Variants in SMG1 observed in about 807,000 individuals in gnomAD.
The protein encoded by SMG1 is SMG1 nonsense mediated mRNA decay associated PI3K related kinase.
Under a neutral mutation model 419.9 loss-of-function variants are expected in SMG1, and 22 were observed. That is an observed-to-expected ratio of 0.05 (90% CI 0.04 to 0.07). The LOEUF (loss-of-function observed/expected upper bound fraction) is 0.07. Ranked by LOEUF, SMG1 falls within the 10% of genes least tolerant of loss-of-function variation. The pLI, the probability that SMG1 is intolerant of heterozygous loss-of-function variation, is 1.00. For synonymous variants in SMG1, 1,538 were observed against 1,553.5 expected, an observed-to-expected ratio of 0.99 and a Z score of 0.23; for missense variants, 3,185 against 4,342.0, an observed-to-expected ratio of 0.73 and a Z score of 7.49.
intron 60 of SMG1, 91 bp from the exon 61 acceptor site, chr16:18,812,218 G>A (rs944552418): frequency 9.2e-6 from 11 of 1,194,698 alleles, no homozygotes; most frequent in African/African-American, 1.5e-5. Flanking sequence ...GGTAGTGGTT[G>A]ATACCCCAAT....
At chr16:18,877,326 T>G in intron 11 of SMG1, 94 bp from the exon 12 acceptor site, 1 of 875,938 alleles carries the variant, frequency 1.1e-6, no homozygotes, top group Non-Finnish European at 1.7e-6. Flanking sequence ...AAGAAGCCAA[T>G]TGAAAAGGCT....
At chr16:18,810,979 T>C (rs1428137894) in intron 62 of SMG1, among the ~76,000 whole-genome samples, 1 of 152,208 alleles carries the variant, frequency 6.6e-6, no homozygotes, top group African/African-American at 2.4e-5. Flanking sequence ...AACTTTTCTG[T>C]AGCTTTATTC....
At chr16:18,821,217 G>GTTTT (rs2032501770) in intron 55 of SMG1, among the ~76,000 whole-genome samples, 3 of 31,732 alleles carry the variant, frequency 9.5e-5, no homozygotes, top group African/African-American at 3.2e-4. Flanking sequence ...TATTTAGTAT[G>GTTTT]TTTCTTTTTT....
intron 41 of SMG1, among the ~76,000 whole-genome samples, chr16:18,841,064 A>T (rs941936667): frequency 6.6e-6 from 1 of 152,090 alleles, no homozygotes; most frequent in Non-Finnish European, 1.5e-5. Flanking sequence ...TGTCCCTTTA[A>T]AAAACAAAAC....
chr16:18,855,688 A>C (rs578199628), intron 29 of SMG1, among the ~76,000 whole-genome samples: 3 of 152,014 alleles, frequency 2.0e-5, no homozygotes, highest in Non-Finnish European at 4.4e-5. Context: ...CTCATGGCCC[A>C]TTTGCTTTTT....
chr16:18,817,159 C>G, intron 57 of SMG1, 132 bp downstream of exon 57: 49 of 484,216 alleles, frequency 1.0e-4, no homozygotes, highest in East Asian at 3.3e-4. Flanking sequence ...TCATCACTGT[C>G]CCCCCGCCCC....
intron 1 of SMG1, among the ~76,000 whole-genome samples, chr16:18,906,484 G>A (rs12930236): frequency 0.31 from 46,807 of 151,770 alleles, 7,967 homozygotes; most frequent in Non-Finnish European, 0.39. Context: ...GCGAAACTCC[G>A]TCTCGGGGTG....
intron 41 of SMG1, among the ~76,000 whole-genome samples, 188 bp from the exon 42 acceptor site, chr16:18,840,134 T>C (rs185013422): frequency 1.1e-4 from 16 of 151,914 alleles, no homozygotes; most frequent in African/African-American, 3.2e-4. Context: ...TCTTATGATA[T>C]ATACCTTTTA....
At chr16:18,835,572 G>A (rs2033507648) in intron 48 of SMG1, among the ~76,000 whole-genome samples, 1 of 152,142 alleles carries the variant, frequency 6.6e-6, no homozygotes, top group African/African-American at 2.4e-5. Context: ...GCCCAGGGAG[G>A]TCAAGGCTGC....
intron 39 of SMG1, among the ~76,000 whole-genome samples, chr16:18,844,939 T>C (rs1005791698): frequency 6.6e-6 from 1 of 152,220 alleles, no homozygotes; most frequent in Non-Finnish European, 1.5e-5. Context: ...TTCTCAAATA[T>C]GTGAATACAC....
chr16:18,879,515 C>G lies in SMG1; in HGVS notation c.1498G>C (p.Val500Leu). 2.1e-6 allele frequency: 2 copies of G among 948,716 alleles called. No homozygotes were observed. The highest frequency in any genetic ancestry group is 3.3e-6 in the Non-Finnish European group (2 of 611,838). The allele number at this position is 948,716 out of a possible 1,614,324, so 58.8% of individuals were successfully genotyped here. The change falls in exon 11 of 63, where the codon GTC becomes CTC. Residue 500 changes from valine (V) to leucine (L), a missense_variant. Coordinates refer to ENST00000446231, the MANE Select transcript of SMG1 (RefSeq NM_015092.5). ...QTCGTDYIIS[V>L]LNLLTLIVEQ... ...CATACCAGCGTGAGTAAATTCAAGA[C>G]TGAGATGATATAATCGGTACCACAA...
At chr16:18,840,784 A>G (rs2033871727) in intron 41 of SMG1, among the ~76,000 whole-genome samples, 1 of 152,248 alleles carries the variant, frequency 6.6e-6, no homozygotes, top group Non-Finnish European at 1.5e-5. Flanking sequence ...GGTAAATCCA[A>G]TAAAAACACT....
intron 51 of SMG1, among the ~76,000 whole-genome samples, 199 bp from the exon 52 acceptor site, chr16:18,830,568 A>C (rs1026020636): frequency 3.9e-5 from 6 of 152,094 alleles, no homozygotes; most frequent in Non-Finnish European, 7.4e-5. Context: ...TGGGCAGATC[A>C]CCTGAGGTCA....
rs190646438 is a variant in SMG1, at chr16:18,807,000, A to C, written c.*2569T>G. The C allele has an allele frequency of 7.2e-5, 11 of 152,342 alleles. No individual in the cohort carries two copies. In the East Asian group the frequency reaches 2.1e-3, roughly 29 times the overall value. The allele number at this position is 152,342 out of a possible 1,614,324, so 9.4% of individuals were successfully genotyped here. A position where few individuals can be genotyped will look rare whatever the true frequency, so the allele number is the denominator to read the frequency against. ...GCAGGCTTTTGAAGTCATCTATTAC[A>C]TCTGCCTTACAACCAAACCCACTGT... On this transcript the variant is annotated 3_prime_UTR_variant, in exon 63 of 63. Coordinates refer to ENST00000446231, the MANE Select transcript of SMG1 (RefSeq NM_015092.5).
intron 1 of SMG1, among the ~76,000 whole-genome samples, chr16:18,914,469 G>C (rs1226455934): frequency 1.3e-5 from 2 of 151,984 alleles, no homozygotes; most frequent in African/African-American, 2.4e-5. Flanking sequence ...CCTCACCTAA[G>C]GTCAGGAGTT....
rs1412788971 is a variant in SMG1 at position 18,868,647 on chromosome 16, T to C, written c.2906A>G (p.Asn969Ser). 34 of 1,573,526 alleles carry C rather than the reference T, an allele frequency of 2.2e-5. No homozygotes were observed. In the African/African-American group the frequency reaches 2.7e-4, roughly 12 times the overall value. Reference protein sequence around the residue: ...QDVSQWTTADNDEGHGNNQLR... With the variant: ...QDVSQWTTADSDEGHGNNQLR... ...TTGGTTGTTACCATGGCCTTCATCA[T>C]TGTCTGCAGTTGTCCACTGACTAAC... The change falls in exon 21 of 63, where the codon AAT becomes AGT. Residue 969 changes from asparagine (N) to serine (S), a missense_variant. Asn to Ser is a conservative substitution (Grantham distance 46). This residue lies in a region of SMG1 where 70 missense variants were observed against 185.7 expected (regional missense o/e 0.38). Coordinates refer to ENST00000446231, the MANE Select transcript of SMG1 (RefSeq NM_015092.5).
intron 46 of SMG1, among the ~76,000 whole-genome samples, chr16:18,836,862 C>T (rs1258725726): frequency 6.6e-6 from 1 of 152,142 alleles, no homozygotes; most frequent in Non-Finnish European, 1.5e-5. Context: ...TGAGCACCTG[C>T]TGTGTATAAG....
At chr16:18,871,811 C>A (rs2035838112) in intron 15 of SMG1, among the ~76,000 whole-genome samples, 1 of 151,780 alleles carries the variant, frequency 6.6e-6, no homozygotes, top group South Asian at 2.1e-4. Flanking sequence ...TGGTGGCGGG[C>A]ACCTGTAATC....
In SMG1 at chr16:18,849,985, G is replaced by A. The variant is rs1182456534; in HGVS notation, c.5425C>T (p.His1809Tyr). The A allele has an allele frequency of 6.2e-7, 1 of 1,613,986 alleles. No individual in the cohort carries two copies. Among genetic ancestry groups the A allele is most frequent in the African/African-American group, 1.3e-5 (1 of 75,052 alleles). ...HAGELRQYLEHGLETTPTAPW... is the reference protein window; with the variant it reads ...HAGELRQYLEYGLETTPTAPW... ...GCAGTGGGTGTTGTCTCCAAGCCGT[G>A]CTCCAGATACTGCCGAAGCTCACCA... The change falls in exon 35 of 63, where the codon CAC (histidine) becomes TAC (tyrosine). Residue 1809 changes from histidine to tyrosine, a missense_variant. Coordinates refer to ENST00000446231, the MANE Select transcript of SMG1 (RefSeq NM_015092.5).
Sources: gnomAD v4.1 joint callset for allele counts (sites outside exome capture counted in the v4.1 genomes callset) on GRCh38, gnomAD v4.1.1 for gene constraint, gnomAD v4.1.1 regional missense constraint, MANE v1.5 for transcripts, NCBI Gene and HGNC (gene_info 2026-07-23, HGNC 2026-07-21) for gene names.